Variants in MCTP1 observed in about 807,000 individuals in gnomAD.
MCTP1 encodes multiple C2 and transmembrane domain containing 1.
MCTP1 carries 69 observed loss-of-function variants against 120.6 expected under a neutral mutation model. The observed-to-expected ratio is 0.57, with a 90% CI of 0.47 to 0.70. MCTP1 has a LOEUF of 0.70. Among genes scored for constraint, MCTP1 ranks in the 30% least tolerant of loss-of-function variants. MCTP1 has a pLI of 0.00. For synonymous variants in MCTP1, 529 were observed against 493.1 expected, an observed-to-expected ratio of 1.07 and a Z score of -0.96; for missense variants, 1,203 against 1,248.8, an observed-to-expected ratio of 0.96 and a Z score of 0.55.
chr5:95,099,415 C>T (rs1045042439), intron 1 of MCTP1, among the ~76,000 whole-genome samples: 3 of 151,562 alleles, frequency 2.0e-5, no homozygotes, highest in Non-Finnish European at 4.4e-5. Context: ...TGAACTCAAA[C>T]AAATTTACAA....
chr5:95,127,244 G>GA (rs11435217), intron 1 of MCTP1, among the ~76,000 whole-genome samples: 25,230 of 146,084 alleles, frequency 0.17, 2,172 homozygotes, highest in Middle Eastern at 0.29. Context: ...GCCATCAAAT[G>GA]AAAAAAAAAA....
chr5:94,740,626 C>T (rs1007471413), intron 19 of MCTP1, among the ~76,000 whole-genome samples: 1 of 152,130 alleles, frequency 6.6e-6, no homozygotes. Flanking sequence ...ATTCCCAATA[C>T]CTTAGCAATT....
intron 1 of MCTP1, among the ~76,000 whole-genome samples, chr5:95,040,628 A>G (rs777279259): frequency 2.0e-5 from 3 of 152,074 alleles, no homozygotes; most frequent in South Asian, 4.2e-4. Flanking sequence ...CTACCTTTCC[A>G]TGTCCAAACA....
At chr5:94,889,528 G>T (rs1199824999) in intron 11 of MCTP1, among the ~76,000 whole-genome samples, 1 of 152,168 alleles carries the variant, frequency 6.6e-6, no homozygotes, top group Non-Finnish European at 1.5e-5. Context: ...GGCAGAGGTT[G>T]CAGTGAGCCA....
intron 1 of MCTP1, among the ~76,000 whole-genome samples, chr5:95,271,969 T>G (rs60024380): frequency 6.6e-6 from 1 of 152,182 alleles, no homozygotes; most frequent in Non-Finnish European, 1.5e-5. Flanking sequence ...CTAGATAAAC[T>G]AAAGCCATTT....
At chr5:95,181,581 A>T (rs1748605476) in intron 1 of MCTP1, among the ~76,000 whole-genome samples, 2 of 152,038 alleles carry the variant, frequency 1.3e-5, no homozygotes, top group Non-Finnish European at 2.9e-5. Context: ...TTATAAGTAC[A>T]CACACACATA....
intron 2 of MCTP1, among the ~76,000 whole-genome samples, chr5:94,982,556 G>A (rs1198044422): frequency 2.6e-5 from 4 of 151,596 alleles, no homozygotes; most frequent in Non-Finnish European, 4.4e-5. Flanking sequence ...TATGGCAAAA[G>A]GGATTTTGCT....
At chr5:94,792,397 A>G (rs1405635788) in intron 18 of MCTP1, 1 of 152,288 alleles carries the variant, frequency 6.6e-6, no homozygotes, top group African/African-American at 2.4e-5. Flanking sequence ...TTGTGTCATG[A>G]AGACAAAAGG....
At chr5:95,052,691 G>A (rs1007673262) in intron 1 of MCTP1, among the ~76,000 whole-genome samples, 2 of 152,196 alleles carry the variant, frequency 1.3e-5, no homozygotes, top group African/African-American at 4.8e-5. Flanking sequence ...TTGGTAGGAG[G>A]TGGTATCCAG....
At chr5:95,160,280 G>T (rs1336540319) in intron 1 of MCTP1, among the ~76,000 whole-genome samples, 1 of 152,166 alleles carries the variant, frequency 6.6e-6, no homozygotes, top group African/African-American at 2.4e-5. Flanking sequence ...GGAAAGAAAA[G>T]CGCAGATAAA....
At chr5:95,013,167 A>G (rs1836372838) in intron 2 of MCTP1, among the ~76,000 whole-genome samples, 1 of 152,156 alleles carries the variant, frequency 6.6e-6, no homozygotes, top group African/African-American at 2.4e-5. Context: ...ATCCAGAACA[A>G]AGTCCCTAAC....
At chr5:94,751,852 C>T (rs576448492) in intron 19 of MCTP1, among the ~76,000 whole-genome samples, 4 of 151,190 alleles carry the variant, frequency 2.6e-5, no homozygotes, top group African/African-American at 4.9e-5. Flanking sequence ...ACTTACCAGT[C>T]GCCTTACAAA....
At chr5:95,001,172 C>T (rs923767038) in intron 2 of MCTP1, among the ~76,000 whole-genome samples, 1 of 152,224 alleles carries the variant, frequency 6.6e-6, no homozygotes. Flanking sequence ...CTGAAGCCTC[C>T]CCAGCCATGT....
At chr5:95,282,828 G>A (rs968944870) in intron 1 of MCTP1, among the ~76,000 whole-genome samples, 1 of 152,134 alleles carries the variant, frequency 6.6e-6, no homozygotes, top group East Asian at 1.9e-4. Context: ...ATCTATTCCC[G>A]TATCTTACCC....
At chr5:94,909,416 C>G (rs374797968) in intron 9 of MCTP1, 35 bp from the exon 10 acceptor site, 10 of 1,557,386 alleles carry the variant, frequency 6.4e-6, no homozygotes, top group African/African-American at 1.4e-5. Context: ...ATATTGCTAG[C>G]AGCTTTTTAA....
intron 1 of MCTP1, among the ~76,000 whole-genome samples, chr5:95,056,869 A>C (rs961733709): frequency 1.6e-4 from 25 of 152,272 alleles, no homozygotes; most frequent in African/African-American, 6.0e-4. Context: ...CCCAATACAC[A>C]CACACACACA....
intron 1 of MCTP1, among the ~76,000 whole-genome samples, chr5:95,118,620 T>C (rs1757991244): frequency 6.6e-6 from 1 of 152,162 alleles, no homozygotes; most frequent in Non-Finnish European, 1.5e-5. Context: ...GAACAAGATC[T>C]AATGATCCGT....
At chr5:94,854,007 G>A (rs1350248620) in intron 17 of MCTP1, among the ~76,000 whole-genome samples, 1 of 151,760 alleles carries the variant, frequency 6.6e-6, no homozygotes, top group African/African-American at 2.4e-5. Flanking sequence ...GGTAATATCA[G>A]AATAAGGACA....
At chr5:95,103,296 G>A (rs562072426) in intron 1 of MCTP1, among the ~76,000 whole-genome samples, 30 of 152,058 alleles carry the variant, frequency 2.0e-4, no homozygotes, top group South Asian at 1.9e-3. Context: ...TATATTCTGT[G>A]CTTCTGTAAT....
Sources: allele counts gnomAD v4.1 joint callset (sites outside exome capture counted in the v4.1 genomes callset), GRCh38; gene constraint gnomAD v4.1.1; transcripts MANE v1.5; gene names NCBI Gene and HGNC (gene_info 2026-07-23, HGNC 2026-07-21).